Variants in ANKRD26 observed in about 807,000 individuals in gnomAD.
ANKRD26 encodes the protein ankyrin repeat domain 26.
A neutral mutation model predicts 208.7 loss-of-function variants in ANKRD26; 141 were observed. The ratio of observed to expected loss-of-function variants is 0.68; its 90% CI spans 0.59 to 0.78. The LOEUF (loss-of-function observed/expected upper bound fraction) is 0.78, where lower values mean the gene tolerates loss of function less well. Ranked by LOEUF, ANKRD26 falls within the 30% of genes least tolerant of loss-of-function variation. The pLI, the probability that ANKRD26 is intolerant of heterozygous loss-of-function variation, is 0.00. For missense variants in ANKRD26, 1,889 were observed against 1,938.7 expected (o/e 0.97, Z 0.48); for synonymous variants, 636 against 660.4 (o/e 0.96, Z 0.57).
intron 27 of ANKRD26, among the ~76,000 whole-genome samples, chr10:27,025,638 AACT>A (rs1421583065): frequency 6.6e-6 from 1 of 152,158 alleles, no homozygotes; most frequent in Non-Finnish European, 1.5e-5. Context: ...TCTCAGCAGC[AACT>A]ACTATCAGTG....
chr10:26,995,006 C>T (rs148732507), intron 5 of ANKRD26: 1 of 468,672 alleles, frequency 2.1e-6, no homozygotes, highest in South Asian at 1.6e-5. Context: ...CTAACATTTC[C>T]ATGCTCCCCT....
the ANKRD26 span, among the ~76,000 whole-genome samples, chr10:26,951,383 T>G: frequency 3.8e-4 from 58 of 152,334 alleles, no homozygotes; most frequent in South Asian, 2.7e-3. Context: ...GGAGCAGTGA[T>G]GATCTGTGCC....
intron 27 of ANKRD26, among the ~76,000 whole-genome samples, chr10:27,025,326 A>G (rs1008421189): frequency 1.3e-5 from 2 of 152,004 alleles, no homozygotes; most frequent in African/African-American, 4.8e-5. Context: ...ATGCACCACC[A>G]CATCGGCTAA....
At chr10:27,067,010 T>C (rs2055275156) in intron 10 of ANKRD26, 147 bp downstream of exon 10, 1 of 780,872 alleles carries the variant, frequency 1.3e-6, no homozygotes. Context: ...TTTCATCATG[T>C]TGGCTAGGCT....
At chr10:27,031,535 G>A (rs1056915209) in intron 25 of ANKRD26, among the ~76,000 whole-genome samples, 3 of 152,174 alleles carry the variant, frequency 2.0e-5, no homozygotes, top group African/African-American at 7.2e-5. Context: ...TGGAGAAGGT[G>A]GAGGGACATG....
At chr10:27,090,175 G>T (rs908746007) in intron 4 of ANKRD26, among the ~76,000 whole-genome samples, 2 of 152,184 alleles carry the variant, frequency 1.3e-5, no homozygotes, top group African/African-American at 2.4e-5. Flanking sequence ...GCCAGCCATG[G>T]TGGCTCATGC....
At chr10:27,005,923 T>C (rs1225707856) in intron 33 of ANKRD26, among the ~76,000 whole-genome samples, 200 bp from the exon 34 acceptor site, 1 of 152,204 alleles carries the variant, frequency 6.6e-6, no homozygotes, top group Non-Finnish European at 1.5e-5. Context: ...TGGTTAAATA[T>C]CAGAGCTTCT....
intron 5 of ANKRD26, chr10:26,994,983 A>G (rs892292197): frequency 3.9e-5 from 18 of 459,708 alleles, no homozygotes; most frequent in Admixed American, 1.9e-4. Context: ...AGGAAATCAC[A>G]GCATATCCTG....
At chr10:26,951,019 C>CTGTTTTTTTTTTTTTTTTTTTTT in the ANKRD26 span, among the ~76,000 whole-genome samples, 1 of 48,582 alleles carries the variant, frequency 2.1e-5, no homozygotes. Context: ...TTTTCTTTTT[C>CTGTTTTTTTTTTTTTTTTTTTTT]TTTTTTTTTT....
At chr10:27,001,454 C>A (rs557683063), downstream of ANKRD26, among the ~76,000 whole-genome samples, 1 of 152,092 alleles carries the variant, frequency 6.6e-6, no homozygotes, top group Admixed American at 6.5e-5. Flanking sequence ...TCTTCCAGTC[C>A]GTGGTGAAAT....
At chr10:26,952,773 G>A in the ANKRD26 span, among the ~76,000 whole-genome samples, 8 of 152,140 alleles carry the variant, frequency 5.3e-5, no homozygotes, top group South Asian at 1.4e-3. Flanking sequence ...TTGGACATAC[G>A]GCATTCACAA....
chr10:26,998,962 T>G (rs1281850572), intron 4 of ANKRD26, among the ~76,000 whole-genome samples: 1 of 151,832 alleles, frequency 6.6e-6, no homozygotes, highest in Non-Finnish European at 1.5e-5. Context: ...TACGTGGAGG[T>G]GGGGGAGGCA....
intron 12 of ANKRD26, among the ~76,000 whole-genome samples, chr10:27,063,045 A>C (rs1055867595): frequency 1.3e-5 from 2 of 152,136 alleles, no homozygotes; most frequent in African/African-American, 4.8e-5. Flanking sequence ...GGCGTGAGCC[A>C]CCGTGCCCAG....
In ANKRD26 at chr10:27,024,467, T is replaced by C; in HGVS notation, c.4065A>G (p.Glu1355=). The part of the protein sequence containing the change: ...NLDQEMKKNV[E]LEREITGFKN... ...CTTACCCAGTTATCTCTCTTTCTAA[T>C]TCAACATTTTTCTTCATTTCTTGAT... The change falls in exon 28 of 34, where the codon GAA becomes GAG. Residue 1355 remains glutamate, a synonymous_variant. Transcript: ENST00000376087. 2 of 1,537,998 alleles carry C rather than the reference T, an allele frequency of 1.3e-6. No homozygotes were observed. Among genetic ancestry groups the C allele is most frequent in the Non-Finnish European group, 1.8e-6 (2 of 1,115,100 alleles).
intron 16 of ANKRD26, chr10:27,051,737 A>G (rs988428739): frequency 1.0e-6 from 1 of 985,296 alleles, no homozygotes; most frequent in African/African-American, 1.7e-5. Flanking sequence ...GGAATAGTAC[A>G]GAGACAGGAG....
At chr10:26,998,246 GT>G (rs34048007) in intron 4 of ANKRD26, among the ~76,000 whole-genome samples, 2,493 of 152,264 alleles carry the variant, frequency 0.016, 156 homozygotes, top group East Asian at 0.16. Context: ...CTGTTGCAAA[GT>G]TTTATTAAAA....
intron 15 of ANKRD26, among the ~76,000 whole-genome samples, chr10:27,054,890 G>A (rs1206096947): frequency 6.6e-6 from 1 of 152,182 alleles, no homozygotes; most frequent in Admixed American, 6.5e-5. Flanking sequence ...ATCTTAAGAT[G>A]TTTGAACATT....
intron 9 of ANKRD26, among the ~76,000 whole-genome samples, chr10:27,075,350 C>A (rs1415864027): frequency 6.6e-6 from 1 of 152,154 alleles, no homozygotes; most frequent in East Asian, 1.9e-4. Context: ...TCAGGAGACA[C>A]ACCTATCATG....
At chr10:27,098,161 G>A (rs1037145907) in intron 1 of ANKRD26, among the ~76,000 whole-genome samples, 4 of 151,470 alleles carry the variant, frequency 2.6e-5, no homozygotes, top group Admixed American at 2.6e-4. Flanking sequence ...TTGGTGGCAA[G>A]AACAAAGATC....
Sources: gnomAD v4.1 joint callset for allele counts (sites outside exome capture counted in the v4.1 genomes callset) on GRCh38, gnomAD v4.1.1 for gene constraint, MANE v1.5 for transcripts, NCBI Gene and HGNC (gene_info 2026-07-23, HGNC 2026-07-21) for gene names.